The following GRM1 variants were observed in gnomAD, a reference collection of about 807,000 sequenced individuals.
The protein encoded by GRM1 is glutamate metabotropic receptor 1.
Under a neutral mutation model 90.9 loss-of-function variants are expected in GRM1, and 33 were observed. The ratio of observed to expected loss-of-function variants is 0.36; its 90% confidence interval spans 0.28 to 0.49. The LOEUF (loss-of-function observed/expected upper bound fraction) is 0.49. Among genes scored for constraint, GRM1 ranks in the 20% least tolerant of loss-of-function variants. The pLI is 0.99. For synonymous variants in GRM1, 700 were observed against 613.2 expected (o/e 1.14, Z -2.09); for missense variants, 1,190 against 1,534.3 (o/e 0.78, Z 3.75).
At chr6:146,057,597 A>G (rs1299640236) in intron 1 of GRM1, among the ~76,000 whole-genome samples, 1 of 152,108 alleles carries the variant, frequency 6.6e-6, no homozygotes, top group Non-Finnish European at 1.5e-5. Context: ...TAACTCATTC[A>G]AACATAAGGA....
chr6:146,348,962 G>A (rs1368766342), intron 3 of GRM1, among the ~76,000 whole-genome samples: 3 of 152,102 alleles, frequency 2.0e-5, no homozygotes, highest in African/African-American at 7.2e-5. Context: ...AAAATAGTGA[G>A]ACTAATGTTT....
chr6:146,060,292 T>C (rs1006542474), intron 1 of GRM1, among the ~76,000 whole-genome samples: 3 of 152,036 alleles, frequency 2.0e-5, no homozygotes, highest in African/African-American at 7.2e-5. Flanking sequence ...TGTAGGTTTA[T>C]TATATAGGTA....
intron 1 of GRM1, among the ~76,000 whole-genome samples, chr6:146,056,890 T>A (rs1775499642): frequency 6.6e-6 from 1 of 152,172 alleles, no homozygotes; most frequent in Non-Finnish European, 1.5e-5. Flanking sequence ...AGAGTTTCAG[T>A]ACTTGGCTAT....
rs113233204 is a variant in GRM1 at position 146,410,642 on chromosome 6, T to C, written c.2660+10943T>C. Among the ~76,000 whole-genome samples, 861 of 152,160 alleles carry C rather than the reference T, an allele frequency of 5.7e-3. 9 individuals are homozygous for C. The highest frequency in any genetic ancestry group is 0.02 in the African/African-American group (835 of 41,508). ...TGGAGGTAGGGAAGGTCTACGAAGC[T>C]CTATGGACAATAGTTCCCATTAGCT... On this transcript the variant is annotated intron_variant, in intron 7 of 7. Coordinates refer to ENST00000282753, the MANE Select transcript of GRM1 (RefSeq NM_001278064.2).
intron 1 of GRM1, among the ~76,000 whole-genome samples, chr6:146,049,874 G>C (rs1341011912): frequency 1.3e-5 from 2 of 151,900 alleles, no homozygotes; most frequent in African/African-American, 2.4e-5. Context: ...CTAGAAGGTA[G>C]GTACTATTAT....
At chr6:146,405,337 C>G (rs147323490) in intron 7 of GRM1, among the ~76,000 whole-genome samples, 8 of 152,236 alleles carry the variant, frequency 5.3e-5, no homozygotes, top group Non-Finnish European at 8.8e-5. Context: ...TTAGGGAACT[C>G]TTACACTTAA....
upstream of GRM1, among the ~76,000 whole-genome samples, chr6:146,028,747 G>A (rs1790594423): frequency 6.6e-6 from 1 of 152,062 alleles, no homozygotes; most frequent in Admixed American, 6.6e-5. Context: ...AAAGTAAAAG[G>A]TGCATCCTTT....
rs117258533 is a variant in GRM1 at position 146,054,289 on chromosome 6, T to G, written c.700+24072T>G. ...TATCTACCAGTACTCAAAGTACTCT[T>G]TCATTATTTACATTCTCTGGATGAT... On this transcript the variant is annotated intron_variant, in intron 1 of 7. Transcript: ENST00000282753. 4.0e-3 allele frequency among the ~76,000 whole-genome samples: 608 copies of G among 152,254 alleles called. 18 individuals are homozygous for G. In the East Asian group the frequency reaches 0.07, roughly 18 times the overall value.
intron 1 of GRM1, among the ~76,000 whole-genome samples, chr6:146,103,925 G>C (rs561178808): frequency 6.6e-6 from 1 of 152,242 alleles, no homozygotes; most frequent in African/African-American, 2.4e-5. Flanking sequence ...AAATTGCCCA[G>C]GTATCCTGGA....
chr6:146,146,546 C>T (rs1459659344), intron 1 of GRM1, among the ~76,000 whole-genome samples: 3 of 152,000 alleles, frequency 2.0e-5, no homozygotes, highest in East Asian at 1.9e-4. Flanking sequence ...TTTTGGGGAC[C>T]GTGGTGGAAT....
intron 1 of GRM1, among the ~76,000 whole-genome samples, chr6:146,143,703 A>G (rs1776983493): frequency 6.6e-6 from 1 of 152,210 alleles, no homozygotes; most frequent in South Asian, 2.1e-4. Flanking sequence ...TCATATTGGG[A>G]AAGAAAAAAG....
chr6:146,385,514 G>T (rs1307742833), intron 5 of GRM1, among the ~76,000 whole-genome samples: 1 of 151,868 alleles, frequency 6.6e-6, no homozygotes, highest in Non-Finnish European at 1.5e-5. Context: ...ACAAATAGAA[G>T]CTGAGAGAGG....
At chr6:146,054,920 G>A (rs1057162422) in intron 1 of GRM1, among the ~76,000 whole-genome samples, 2 of 152,014 alleles carry the variant, frequency 1.3e-5, no homozygotes, top group Non-Finnish European at 2.9e-5. Context: ...GGAAGATGCA[G>A]GGGTGGGTGT....
intron 2 of GRM1, among the ~76,000 whole-genome samples, chr6:146,282,761 A>ATT (rs1348064014): frequency 1.3e-5 from 2 of 152,214 alleles, no homozygotes; most frequent in Non-Finnish European, 2.9e-5. Context: ...TAAAAAAAGG[A>ATT]TGTAAAATGT....
At chr6:146,094,879 C>T (rs1012646986) in intron 1 of GRM1, among the ~76,000 whole-genome samples, 21 of 151,964 alleles carry the variant, frequency 1.4e-4, no homozygotes, top group African/African-American at 4.4e-4. Flanking sequence ...AGGCTGAAGT[C>T]ATATATGAGC....
Position 146,434,392 on chromosome 6 carries a change from G to A in GRM1, c.3181G>A (p.Gly1061Arg), listed in dbSNP as rs553440596. Reference sequence around the variant, plus strand: ...GGCAGGCCCCGGTGGTCCCGGGAACGGGCTGCGGTCCCTGTACCCGCCCCC... The same window carrying A: ...GGCAGGCCCCGGTGGTCCCGGGAACAGGCTGCGGTCCCTGTACCCGCCCCC... ...VLAGPGGPGN[G>R]LRSLYPPPPP... Residue 1061 changes from glycine to arginine, a missense_variant, in exon 8 of 8, where the codon GGG becomes AGG. Around this residue, in one of 10 missense-constraint regions of GRM1, gnomAD observed 400 missense variants for 360.8 expected, o/e 1.11. Coordinates refer to ENST00000282753, the MANE Select transcript of GRM1 (RefSeq NM_001278064.2). The A allele has an allele frequency of 8.1e-6, 13 of 1,613,162 alleles. No individual in the cohort carries two copies. The Admixed American group carries it at 1.3e-4, about 17-fold the overall frequency.
intron 2 of GRM1, among the ~76,000 whole-genome samples, chr6:146,220,555 A>C (rs1349778085): frequency 6.6e-6 from 1 of 152,170 alleles, no homozygotes; most frequent in Non-Finnish European, 1.5e-5. Flanking sequence ...AGATTAAATA[A>C]TTTTAGGAGT....
chr6:146,063,916 A>G (rs78957084), intron 1 of GRM1, among the ~76,000 whole-genome samples: 3,381 of 152,280 alleles, frequency 0.022, 49 homozygotes, highest in Admixed American at 0.032. Context: ...TAATTAAGAG[A>G]TGCAAAGTCA....
At chr6:146,425,237 C>T (rs562590135) in intron 7 of GRM1, among the ~76,000 whole-genome samples, 1 of 152,194 alleles carries the variant, frequency 6.6e-6, no homozygotes, top group Non-Finnish European at 1.5e-5. Context: ...TCTTTTCCTG[C>T]CTTATACATT....
Sources: gnomAD v4.1 joint callset for allele counts (sites outside exome capture counted in the v4.1 genomes callset) on GRCh38, gnomAD v4.1.1 for gene constraint, gnomAD v4.1.1 regional missense constraint, MANE v1.5 for transcripts, NCBI Gene and HGNC (gene_info 2026-07-23, HGNC 2026-07-21) for gene names.